IKZF1: variants seen among roughly 807,000 people sequenced by gnomAD.
IKZF1 encodes the protein IKAROS family zinc finger 1, also known as DNA-binding protein Ikaros.
A neutral mutation model predicts 51.7 loss-of-function variants in IKZF1; 10 were observed. The observed-to-expected ratio is 0.19, with a 90% CI of 0.12 to 0.33. The LOEUF (loss-of-function observed/expected upper bound fraction) is 0.33, where lower values mean the gene tolerates loss of function less well. Among genes scored for constraint, IKZF1 ranks in the 10% least tolerant of loss-of-function variants. The pLI is 1.00. For missense variants in IKZF1, 484 were observed against 707.5 expected (o/e 0.68, Z 3.58); for synonymous variants, 280 against 282.3 (o/e 0.99, Z 0.08).
intron 2 of IKZF1, among the ~76,000 whole-genome samples, chr7:50,320,869 G>T (rs1469759215): frequency 7.9e-5 from 12 of 152,186 alleles, no homozygotes; most frequent in Admixed American, 7.2e-4. Flanking sequence ...TTAAGCATTT[G>T]TTCACTGCAG....
intron 3 of IKZF1, among the ~76,000 whole-genome samples, chr7:50,375,813 G>A (rs750927495): frequency 2.7e-5 from 4 of 148,834 alleles, no homozygotes; most frequent in Non-Finnish European, 5.9e-5. Flanking sequence ...TAACCCTTCA[G>A]CAAGTGGAAG....
At chr7:50,364,924 T>C (rs1242456900) in intron 3 of IKZF1, among the ~76,000 whole-genome samples, 1 of 152,202 alleles carries the variant, frequency 6.6e-6, no homozygotes, top group Non-Finnish European at 1.5e-5. Context: ...TGACCAGTCA[T>C]TGATTCACTG....
chr7:50,389,407 A>T (rs1212874810), intron 6 of IKZF1, among the ~76,000 whole-genome samples: 1 of 152,198 alleles, frequency 6.6e-6, no homozygotes, highest in Non-Finnish European at 1.5e-5. Flanking sequence ...TGTGGTGAGT[A>T]TCAATTTCAC....
intron 1 of IKZF1, among the ~76,000 whole-genome samples, chr7:50,313,554 C>A (rs1235670087): frequency 6.6e-6 from 1 of 152,132 alleles, no homozygotes; most frequent in African/African-American, 2.4e-5. Context: ...AGTGTGCGAC[C>A]CCTGCACTGG....
chr7:50,400,537 T>G lies in IKZF1; in HGVS notation c.1470T>G (p.Phe490Leu). 6.2e-7 allele frequency: 1 copy of G among 1,614,096 alleles called. No homozygotes were observed. Among genetic ancestry groups the G allele is most frequent in the Non-Finnish European group, 8.5e-7 (1 of 1,179,960 alleles). Residue 490 changes from phenylalanine to leucine, a missense_variant, in exon 8 of 8, where the codon TTT becomes TTG. Phe to Leu is a conservative substitution (Grantham distance 22, BLOSUM62 0). Transcript: ENST00000331340. The surrounding 1 kb of genome is among the most constrained non-coding windows in gnomAD (Gnocchi z 5.4). ...GCTGCCACGGCTTCCGTGATCCTTTTGAGTGCAACATGTGCGGCTACCACA... is the reference window on the plus strand; with the variant it reads ...GCTGCCACGGCTTCCGTGATCCTTTGGAGTGCAACATGTGCGGCTACCACA... The part of the protein sequence containing the change: ...HMGCHGFRDP[F>L]ECNMCGYHSQ...
intron 3 of IKZF1, among the ~76,000 whole-genome samples, chr7:50,339,215 T>TTGTGTGTGTGTGTGTGTG (rs1158908841): frequency 5.5e-5 from 7 of 126,480 alleles, no homozygotes; most frequent in South Asian, 2.8e-4. Context: ...TTGGGTAGGG[T>TTGTGTGTGTGTGTGTGTG]TGTGTGTGTG....
intron 3 of IKZF1, among the ~76,000 whole-genome samples, chr7:50,360,057 A>T (rs1270756511): frequency 6.6e-6 from 1 of 152,086 alleles, no homozygotes; most frequent in Non-Finnish European, 1.5e-5. Context: ...GAGCGGCGGG[A>T]TTAAGAGGGC....
intron 1 of IKZF1, among the ~76,000 whole-genome samples, chr7:50,310,666 G>C (rs752925086): frequency 1.3e-5 from 2 of 152,238 alleles, no homozygotes; most frequent in Non-Finnish European, 2.9e-5. Flanking sequence ...AATGCTTCCA[G>C]ATTCGGGTTA....
At chr7:50,317,471 C>T (rs913405454) in intron 1 of IKZF1, among the ~76,000 whole-genome samples, 1 of 152,098 alleles carries the variant, frequency 6.6e-6, no homozygotes, top group Admixed American at 6.6e-5. Flanking sequence ...AGACTCTTGA[C>T]GTATTGCTTT....
intron 3 of IKZF1, among the ~76,000 whole-genome samples, chr7:50,349,256 T>C (rs1325810398): frequency 6.6e-6 from 1 of 152,122 alleles, no homozygotes; most frequent in Non-Finnish European, 1.5e-5. Context: ...TAGTAAACTG[T>C]TAGGGAAATC....
At chr7:50,372,992 T>C (rs1809160034) in intron 3 of IKZF1, among the ~76,000 whole-genome samples, 1 of 152,252 alleles carries the variant, frequency 6.6e-6, no homozygotes, top group Non-Finnish European at 1.5e-5. Context: ...TTGGTTCTGT[T>C]ACAGCTCTCA....
intron 3 of IKZF1, among the ~76,000 whole-genome samples, chr7:50,336,797 A>G (rs1797895827): frequency 6.6e-6 from 1 of 152,202 alleles, no homozygotes; most frequent in African/African-American, 2.4e-5. Flanking sequence ...GTGTCTAGCC[A>G]CGGAACAGTC....
chr7:50,309,364 C>CAG (rs1789607175), intron 1 of IKZF1, among the ~76,000 whole-genome samples: 1 of 152,136 alleles, frequency 6.6e-6, no homozygotes, highest in Non-Finnish European at 1.5e-5. Flanking sequence ...CCAATGTGGT[C>CAG]TTGTCTGTCT....
chr7:50,318,480 GC>G (rs1429004974), intron 1 of IKZF1: 2 of 227,412 alleles, frequency 8.8e-6, no homozygotes, highest in Admixed American at 5.7e-5. Flanking sequence ...AGACAGGAGC[GC>G]CCGCATTGCC....
At chr7:50,307,381 G>A (rs1313052397) in intron 1 of IKZF1, among the ~76,000 whole-genome samples, 2 of 152,114 alleles carry the variant, frequency 1.3e-5, no homozygotes, top group East Asian at 3.9e-4. Context: ...GCTTACAGAA[G>A]GTAAACCACG....
chr7:50,333,238 G>T (rs907975896), intron 3 of IKZF1, among the ~76,000 whole-genome samples: 1 of 150,964 alleles, frequency 6.6e-6, no homozygotes, highest in Non-Finnish European at 1.5e-5. Flanking sequence ...AGTGGGAATT[G>T]TAAGAGGATT....
chr7:50,354,155 G>A (rs1802612569), intron 3 of IKZF1, among the ~76,000 whole-genome samples: 1 of 152,260 alleles, frequency 6.6e-6, no homozygotes, highest in African/African-American at 2.4e-5. Context: ...GGAAGGATCA[G>A]TGGTTCTTGC....
chr7:50,387,508 T>C (rs2153488492), intron 6 of IKZF1, 38 bp downstream of exon 6: 1 of 1,581,992 alleles, frequency 6.3e-7, no homozygotes, highest in Middle Eastern at 2.2e-4. Context: ...TGGTGGGCTC[T>C]CCCCCCAGCA....
At chr7:50,354,839 G>T (rs1802842098) in intron 3 of IKZF1, among the ~76,000 whole-genome samples, 1 of 152,158 alleles carries the variant, frequency 6.6e-6, no homozygotes, top group South Asian at 2.1e-4. Flanking sequence ...CCAGCTTGTT[G>T]AATGCCCTGA....
Sources: gnomAD v4.1 joint callset for allele counts (sites outside exome capture counted in the v4.1 genomes callset) on GRCh38, gnomAD v4.1.1 for gene constraint, Gnocchi (gnomAD v3.1) non-coding constraint, MANE v1.5 for transcripts, NCBI Gene and HGNC (gene_info 2026-07-23, HGNC 2026-07-21) for gene names.